FAM135B: variants seen among roughly 807,000 people sequenced by gnomAD.
FAM135B encodes the protein family with sequence similarity 135 member B.
A neutral mutation model predicts 127.7 loss-of-function variants in FAM135B; 43 were observed. The observed-to-expected ratio is 0.34, with a 90% CI of 0.26 to 0.43. FAM135B has a LOEUF of 0.43. FAM135B is among the 20% of genes least tolerant of loss of function. The pLI, the probability that FAM135B is intolerant of heterozygous loss-of-function variation, is 1.00. For synonymous variants in FAM135B, 670 were observed against 665.1 expected (o/e 1.01, Z -0.11); for missense variants, 1,558 against 1,725.6 (o/e 0.90, Z 1.72).
chr8:138,152,965 T>C lies in FAM135B; in HGVS notation c.1510A>G (p.Ile504Val), dbSNP rs553258169. Residue 504 changes from isoleucine to valine, a missense_variant, in exon 13 of 20, where the codon ATT (isoleucine) becomes GTT (valine). Physicochemically the swap from Ile to Val is conservative, Grantham distance 29 (BLOSUM62 3). This residue lies in a region of FAM135B where 923 missense variants were observed against 865.3 expected (regional missense o/e 1.07). Coordinates refer to ENST00000395297, the MANE Select transcript of FAM135B (RefSeq NM_015912.4). ...CCTGCTTTGTTTTGAAATTCACCAA[T>C]TGATATATACACCTGAGATTCAGAG... ...MCSESQVYIS[I>V]GEFQNKAGVP... is the part of the protein sequence containing the mutation. The C allele has an allele frequency of 7.4e-6, 12 of 1,614,190 alleles. No individual in the cohort carries two copies. The highest frequency in any genetic ancestry group is 5.0e-5 in the Admixed American group (3 of 60,026).
At chr8:138,200,907 C>T (rs1317974191) in intron 7 of FAM135B, among the ~76,000 whole-genome samples, 2 of 152,162 alleles carry the variant, frequency 1.3e-5, no homozygotes, top group East Asian at 1.9e-4. Context: ...GTGACATGTG[C>T]AAGGTCACTC....
At position 138,167,956 on chromosome 8, in the gene FAM135B, G is replaced by A. The variant is rs552788793; in HGVS notation, c.1197C>T (p.Asp399=). 7.6e-5 allele frequency: 122 copies of A among 1,613,938 alleles called. No individual in the cohort carries two copies. The highest frequency in any genetic ancestry group is 9.1e-5 in the Non-Finnish European group (107 of 1,179,910). The change falls in exon 12 of 20, where the codon GAC becomes GAT. Residue 399 remains aspartate (D), a synonymous_variant. Coordinates refer to ENST00000395297, the MANE Select transcript of FAM135B (RefSeq NM_015912.4). ...TCACCGGCAGGGTGTTCCAATCGCC[G>A]TCGATGTCCAGGCACTCTGCAGGCA... ...PPLPAECLDI[D]GDWNTLPVIF...
At chr8:138,264,051 C>G (rs1259033834) in intron 4 of FAM135B, among the ~76,000 whole-genome samples, 1 of 152,246 alleles carries the variant, frequency 6.6e-6, no homozygotes, top group African/African-American at 2.4e-5. Flanking sequence ...CCATCTTCAT[C>G]TCCTGCTCCT....
chr8:138,299,180 A>ATACCCAATTTTAATTATATTAAAATT (rs1434832776), intron 3 of FAM135B, among the ~76,000 whole-genome samples: 4 of 151,992 alleles, frequency 2.6e-5, no homozygotes, highest in African/African-American at 9.7e-5. Context: ...ATATTAAAAT[A>ATACCCAATTTTAATTATATTAAAATT]TACCCAATTT....
intron 7 of FAM135B, among the ~76,000 whole-genome samples, chr8:138,239,915 C>T (rs567607071): frequency 9.3e-5 from 14 of 150,636 alleles, no homozygotes; most frequent in East Asian, 2.0e-4. Context: ...AACCAAACAC[C>T]GCATGTTCTC....
chr8:138,402,000 C>CTG (rs1378476954), intron 1 of FAM135B, among the ~76,000 whole-genome samples: 1 of 152,014 alleles, frequency 6.6e-6, no homozygotes, highest in African/African-American at 2.4e-5. Context: ...ATGCCTGTCC[C>CTG]TGGTGTGTGT....
At chr8:138,288,105 C>T (rs978712592) in intron 3 of FAM135B, among the ~76,000 whole-genome samples, 6 of 152,090 alleles carry the variant, frequency 3.9e-5, no homozygotes, top group Admixed American at 1.3e-4. Context: ...AGTGTTGGTT[C>T]GTTTATTATC....
In FAM135B at chr8:138,171,444, T is replaced by C. The variant is rs1820433372; in HGVS notation, c.1104-3395A>G. On this transcript the variant is annotated intron_variant, in intron 11 of 19. Coordinates refer to ENST00000395297, the MANE Select transcript of FAM135B (RefSeq NM_015912.4). ...TTACAATGCCTATCACCTTCCATCA[T>C]GCTGCATAACTGATTGATTCATAAT... Among the ~76,000 whole-genome samples the C allele has an allele frequency of 3.9e-5, 6 of 152,226 alleles. No homozygotes were observed. In the South Asian group the frequency reaches 1.2e-3, roughly 31 times the overall value.
At position 138,466,611 on chromosome 8, in the gene FAM135B, C is replaced by G. The variant is rs1348559523; in HGVS notation, c.-20+30060G>C. Reference sequence around the variant, plus strand: ...GCTGGAGAAATTCATGACTGAACAACCGAATTTAAATAAGAATGACGTTGT... The same window carrying G: ...GCTGGAGAAATTCATGACTGAACAAGCGAATTTAAATAAGAATGACGTTGT... On this transcript the variant is annotated intron_variant, in intron 1 of 19. Coordinates refer to ENST00000395297, the MANE Select transcript of FAM135B (RefSeq NM_015912.4). Among the ~76,000 whole-genome samples the G allele has an allele frequency of 3.9e-5, 6 of 152,086 alleles. 1 individual carries two copies. The highest frequency in any genetic ancestry group is 1.4e-4 in the African/African-American group (6 of 41,408).
intron 1 of FAM135B, among the ~76,000 whole-genome samples, chr8:138,373,787 G>A (rs984065876): frequency 6.6e-5 from 10 of 152,020 alleles, no homozygotes; most frequent in South Asian, 4.2e-4. Context: ...ATGTAGGGAC[G>A]AAATAAGCCC....
chr8:138,306,445 G>GA (rs1270039437), intron 3 of FAM135B, among the ~76,000 whole-genome samples: 61 of 126,898 alleles, frequency 4.8e-4, no homozygotes, highest in Middle Eastern at 3.8e-3. Flanking sequence ...GAAAAAAAAA[G>GA]AAAAAAAAAA....
intron 1 of FAM135B, among the ~76,000 whole-genome samples, chr8:138,428,404 G>C (rs1416247173): frequency 6.6e-6 from 1 of 152,062 alleles, no homozygotes; most frequent in East Asian, 1.9e-4. Context: ...ACATCAAGCT[G>C]TCTCTGCTTG....
Position 138,333,566 on chromosome 8 carries a change from T to C in FAM135B, c.78-22646A>G, listed in dbSNP as rs1444044319. Among the ~76,000 whole-genome samples the C allele has an allele frequency of 2.6e-5, 4 of 152,134 alleles. No individual in the cohort carries two copies. The East Asian group carries it at 7.7e-4, about 29-fold the overall frequency. On this transcript the variant is annotated intron_variant, in intron 2 of 19. Transcript: ENST00000395297. Reference sequence around the variant, plus strand: ...GCTCCCCACTGTTTTCTAAAGATAATACCACATCACCACTGCTTGATTTCC... The same window carrying C: ...GCTCCCCACTGTTTTCTAAAGATAACACCACATCACCACTGCTTGATTTCC...
intron 7 of FAM135B, among the ~76,000 whole-genome samples, chr8:138,216,352 A>T (rs1187768447): frequency 6.6e-6 from 1 of 152,168 alleles, no homozygotes; most frequent in African/African-American, 2.4e-5. Flanking sequence ...CACACTCATG[A>T]TATTTATTGA....
intron 3 of FAM135B, among the ~76,000 whole-genome samples, chr8:138,303,407 G>C (rs531879244): frequency 1.3e-5 from 2 of 152,176 alleles, no homozygotes; most frequent in South Asian, 2.1e-4. Flanking sequence ...GACACAGGGA[G>C]GGGAGCATCA....
intron 1 of FAM135B, among the ~76,000 whole-genome samples, chr8:138,384,445 C>T (rs1216989845): frequency 1.3e-5 from 2 of 152,016 alleles, no homozygotes; most frequent in Admixed American, 6.6e-5. Context: ...CAGAGTTCAG[C>T]CTGCGGATTT....
chr8:138,493,301 C>G (rs910025966), intron 1 of FAM135B, among the ~76,000 whole-genome samples: 3 of 152,060 alleles, frequency 2.0e-5, no homozygotes, highest in Non-Finnish European at 4.4e-5. Flanking sequence ...ATTCTGCTCC[C>G]TCCTGGTGTC....
At chr8:138,289,940 A>G (rs549859209) in intron 3 of FAM135B, among the ~76,000 whole-genome samples, 1 of 152,340 alleles carries the variant, frequency 6.6e-6, no homozygotes, top group East Asian at 1.9e-4. Flanking sequence ...CAGATCATCA[A>G]CTATATCAAG....
At chr8:138,268,944 A>G (rs934741051) in intron 3 of FAM135B, among the ~76,000 whole-genome samples, 3 of 152,158 alleles carry the variant, frequency 2.0e-5, no homozygotes, top group African/African-American at 7.2e-5. Context: ...TTTAAGGGGA[A>G]AAAAGAGATG....
Sources: allele counts gnomAD v4.1 joint callset (sites outside exome capture counted in the v4.1 genomes callset), GRCh38; gene constraint gnomAD v4.1.1; regional missense constraint gnomAD v4.1.1; transcripts MANE v1.5; gene names NCBI Gene and HGNC (gene_info 2026-07-23, HGNC 2026-07-21).